GALNT8: variants seen among roughly 807,000 people sequenced by gnomAD.
The protein encoded by GALNT8 is polypeptide N-acetylgalactosaminyltransferase 8.
In GALNT8, 66 loss-of-function variants were observed where a neutral mutation model predicts 62.7. The ratio of observed to expected loss-of-function variants is 1.05; its 90% CI spans 0.86 to 1.29. The LOEUF is 1.29. Among genes scored for constraint, GALNT8 ranks in the 50% most tolerant of loss-of-function variants. GALNT8 has a pLI of 0.00. For synonymous variants in GALNT8, 288 were observed against 294.3 expected, an observed-to-expected ratio of 0.98 and a Z score of 0.22; for missense variants, 771 against 791.8, an observed-to-expected ratio of 0.97 and a Z score of 0.32.
chr12:4,737,597 G>A (rs6489564), intron 2 of GALNT8, among the ~76,000 whole-genome samples: 120,840 of 152,190 alleles, frequency 0.79, 48,365 homozygotes, highest in Non-Finnish European at 0.82. Flanking sequence ...CTGGAGTTTT[G>A]TGATAGCCTA....
Position 4,720,858 on chromosome 12 carries a change from T to C in GALNT8, c.181T>C (p.Ser61Pro), listed in dbSNP as rs1281350655. The change falls in exon 1 of 11, where the codon TCC (serine) becomes CCC (proline). Residue 61 changes from serine to proline, a missense_variant. Physicochemically the swap from Ser to Pro is moderately conservative, Grantham distance 74. Transcript: ENST00000252318. The stretch of plus-strand genomic sequence containing the variant: ...CTACGGGGCAGTGATAAAGAGACTC[T>C]CCCACTTGGAGGTGGAATTGCAGGA... ...KRYGAVIKRL[S>P]HLEVELQDLK... is the part of the protein sequence containing the mutation. The C allele has an allele frequency of 6.2e-6, 10 of 1,607,208 alleles. No homozygotes were observed. The highest frequency in any genetic ancestry group is 8.5e-6 in the Non-Finnish European group (10 of 1,173,932).
rs560852340 is a variant in GALNT8, at chr12:4,760,556, G to A, written c.1174-402G>A. 2.0e-4 allele frequency among the ~76,000 whole-genome samples: 31 copies of A among 152,312 alleles called. No homozygotes were observed. The South Asian group carries it at 3.9e-3, about 19-fold the overall frequency. On this transcript the variant is annotated intron_variant, in intron 6 of 10. Transcript: ENST00000252318. ...GGAGGGATCATGGGGTCACTTTGGC[G>A]TCTGTCTGCCACATTGCCCTTTGTC...
Position 4,720,475 on chromosome 12 carries a change from C to T in GALNT8, c.-203C>T. The T allele has an allele frequency of 1.7e-6, 1 of 582,034 alleles. No individual in the cohort carries two copies. Among genetic ancestry groups the T allele is most frequent in the Non-Finnish European group, 3.1e-6 (1 of 326,130 alleles). 36.1% of individuals were successfully genotyped at this position (582,034 alleles called of 1,614,324 possible). ...CCGCTGAGCGGTTATCCTCTCGGGGCATAAAGACAAAGAAGGCAATAAGGA... is the reference window on the plus strand; with the variant it reads ...CCGCTGAGCGGTTATCCTCTCGGGGTATAAAGACAAAGAAGGCAATAAGGA... On this transcript the variant is annotated 5_prime_UTR_variant, in exon 1 of 11. Coordinates refer to ENST00000252318, the MANE Select transcript of GALNT8 (RefSeq NM_017417.2).
rs960158799 is a variant in GALNT8 at position 4,749,855 on chromosome 12, G to A, written c.1173+3597G>A. On this transcript the variant is annotated intron_variant, in intron 6 of 10. Coordinates refer to ENST00000252318, the MANE Select transcript of GALNT8 (RefSeq NM_017417.2). This position sits in a 1 kb window ranked among gnomAD's most constrained non-coding sequence, Gnocchi z 4.1. ...TGATCTCATTACTTGTTATTGTTCT[G>A]TTCAGGTTTGGGATATTTTTCCTGG... Among the ~76,000 whole-genome samples the A allele has an allele frequency of 6.6e-6, 1 of 151,994 alleles. No individual in the cohort carries two copies. The highest frequency in any genetic ancestry group is 2.4e-5 in the African/African-American group (1 of 41,434).
intron 2 of GALNT8, among the ~76,000 whole-genome samples, chr12:4,727,206 A>C (rs1169869716): frequency 1.3e-5 from 2 of 152,018 alleles, no homozygotes; most frequent in African/African-American, 4.8e-5. Context: ...ACTTTGCTCA[A>C]ATTCTCTACT....
chr12:4,744,669 T>C lies in GALNT8; in HGVS notation c.829T>C (p.Leu277=). ...TGCCACAGCAGACGTGGTCGCCATCTTGGATGCTCACATTGAAGTCAATGT... is the reference window on the plus strand; with the variant it reads ...TGCCACAGCAGACGTGGTCGCCATCCTGGATGCTCACATTGAAGTCAATGT... The part of the protein sequence containing the change: ...EAATADVVAI[L]DAHIEVNVGW... Residue 277 remains leucine, a synonymous_variant, in exon 4 of 11, where the codon TTG becomes CTG. Coordinates refer to ENST00000252318, the MANE Select transcript of GALNT8 (RefSeq NM_017417.2). The C allele has an allele frequency of 6.2e-7, 1 of 1,612,988 alleles. No individual in the cohort carries two copies. Among genetic ancestry groups the C allele is most frequent in the Non-Finnish European group, 8.5e-7 (1 of 1,179,670 alleles).
chr12:4,730,997 CA>C (rs1946219693), intron 2 of GALNT8, among the ~76,000 whole-genome samples: 1 of 151,858 alleles, frequency 6.6e-6, no homozygotes, highest in African/African-American at 2.4e-5. Flanking sequence ...TACAGGCGCC[CA>C]CCACCACGCC....
chr12:4,726,588 A>G lies in GALNT8; in HGVS notation c.268A>G (p.Arg90Gly). Residue 90 changes from arginine to glycine, a missense_variant, in exon 2 of 11, where the codon AGG becomes GGG. Coordinates refer to ENST00000252318, the MANE Select transcript of GALNT8 (RefSeq NM_017417.2). The surrounding 1 kb of genome is among the most constrained non-coding windows in gnomAD (Gnocchi z 4.1). ...AGAAAATGTGAACAGCACACTGAAG[A>G]GGGCGAAAGATGAAGTACGCCCTCT... Reference protein sequence around the residue: ...QQENVNSTLKRAKDEVRPLLK... With the variant: ...QQENVNSTLKGAKDEVRPLLK... 1 of 1,613,656 alleles carries G rather than the reference A, an allele frequency of 6.2e-7. No homozygotes were observed. Among genetic ancestry groups the G allele is most frequent in the Non-Finnish European group, 8.5e-7 (1 of 1,179,590 alleles).
intron 2 of GALNT8, among the ~76,000 whole-genome samples, chr12:4,729,970 A>T (rs1253271521): frequency 6.6e-6 from 1 of 152,152 alleles, no homozygotes; most frequent in East Asian, 1.9e-4. Flanking sequence ...ATTTTCCCTG[A>T]TGGTTAATAT....
chr12:4,754,445 C>T (rs1163508250), intron 6 of GALNT8, among the ~76,000 whole-genome samples: 1 of 152,200 alleles, frequency 6.6e-6, no homozygotes, highest in Non-Finnish European at 1.5e-5. Flanking sequence ...TCCCACTCTT[C>T]CCTCCTCTTT....
chr12:4,768,934 C>T (rs914402794), intron 10 of GALNT8, among the ~76,000 whole-genome samples: 2 of 152,088 alleles, frequency 1.3e-5, no homozygotes, highest in African/African-American at 4.8e-5. Context: ...ATCATCCCTT[C>T]GTTTTCTTTG....
chr12:4,755,133 C>T (rs1162545158), intron 6 of GALNT8, among the ~76,000 whole-genome samples: 1 of 152,176 alleles, frequency 6.6e-6, no homozygotes, highest in Non-Finnish European at 1.5e-5. Flanking sequence ...ACCTGCCTCC[C>T]CACCCCCAAT....
At chr12:4,750,944 A>G (rs1946320057) in intron 6 of GALNT8, among the ~76,000 whole-genome samples, 1 of 152,326 alleles carries the variant, frequency 6.6e-6, no homozygotes, top group Non-Finnish European at 1.5e-5. Flanking sequence ...AGACCAATGG[A>G]ACAGAATAGA....
At chr12:4,721,119 T>C (rs1014362311) in intron 1 of GALNT8, among the ~76,000 whole-genome samples, 2 of 151,994 alleles carry the variant, frequency 1.3e-5, no homozygotes, top group African/African-American at 2.4e-5. Context: ...TGAGCATGTG[T>C]GTGTGTATGC....
chr12:4,759,748 A>G (rs1346012421), intron 6 of GALNT8, among the ~76,000 whole-genome samples: 8 of 152,096 alleles, frequency 5.3e-5, no homozygotes, highest in African/African-American at 1.9e-4. Flanking sequence ...TCCCATTGGC[A>G]TGAGCGTGGT....
intron 10 of GALNT8, among the ~76,000 whole-genome samples, chr12:4,769,753 T>C (rs1372145679): frequency 6.6e-6 from 1 of 151,906 alleles, no homozygotes; most frequent in Non-Finnish European, 1.5e-5. Context: ...TAGTCAATCA[T>C]CCCCTCCCCT....
rs149363735 is a variant in GALNT8, at chr12:4,727,341, T to A, written c.509+512T>A. Among the ~76,000 whole-genome samples, 921 of 152,292 alleles carry A rather than the reference T, an allele frequency of 6.0e-3. 2 individuals carry two copies. The highest frequency in any genetic ancestry group is 0.017 in the Middle Eastern group (5 of 294). On this transcript the variant is annotated intron_variant, in intron 2 of 10. Coordinates refer to ENST00000252318, the MANE Select transcript of GALNT8 (RefSeq NM_017417.2). The stretch of plus-strand genomic sequence containing the variant: ...CCCACCCTCCTTCATAATACTTTTT[T>A]AGAAACAGCTTTGTTGAGATGTAAT...
chr12:4,753,067 T>A (rs1481931304), intron 6 of GALNT8, among the ~76,000 whole-genome samples: 1 of 152,196 alleles, frequency 6.6e-6, no homozygotes, highest in African/African-American at 2.4e-5. Flanking sequence ...CATTGTACGT[T>A]GTCCTCTTGC....
In GALNT8 at chr12:4,772,094, G is replaced by A. The variant is rs549858096; in HGVS notation, c.1762-351G>A. ...ACCCTGATGGGTCTCATGGGGTCAG[G>A]GGTGAGGACGTGGAGAGGAGGGCCA... On this transcript the variant is annotated intron_variant, in intron 10 of 10. Transcript: ENST00000252318. Among the ~76,000 whole-genome samples the A allele has an allele frequency of 2.0e-5, 3 of 152,296 alleles. No individual in the cohort carries two copies. In the East Asian group the frequency reaches 5.8e-4, roughly 29 times the overall value.
Sources: allele counts gnomAD v4.1 joint callset (sites outside exome capture counted in the v4.1 genomes callset), GRCh38; gene constraint gnomAD v4.1.1; non-coding constraint Gnocchi (gnomAD v3.1); transcripts MANE v1.5; gene names NCBI Gene and HGNC (gene_info 2026-07-23, HGNC 2026-07-21).